CNP: variants seen among roughly 807,000 people sequenced by gnomAD.
CNP encodes the protein 2',3'-cyclic-nucleotide 3'-phosphodiesterase.
In CNP, 8 loss-of-function variants were observed where a neutral mutation model predicts 37.9. That is an observed-to-expected ratio of 0.21 (90% CI 0.12 to 0.38). The LOEUF is 0.38. Ranked by LOEUF, CNP falls within the 10% of genes least tolerant of loss-of-function variation. The pLI, the probability that CNP is intolerant of heterozygous loss-of-function variation, is 1.00. For synonymous variants in CNP, 237 were observed against 238.3 expected, an observed-to-expected ratio of 0.99 and a Z score of 0.05; for missense variants, 457 against 551.0, an observed-to-expected ratio of 0.83 and a Z score of 1.71.
Position 41,968,036 on chromosome 17 carries a change from C to T in CNP, c.4-32C>T. 1.3e-6 allele frequency: 2 copies of T among 1,587,148 alleles called. No homozygotes were observed. The highest frequency in any genetic ancestry group is 1.7e-6 in the Non-Finnish European group (2 of 1,164,214). ...GGCCGGCGGGGAGCCCGCGAATGACCTGGGCTGACATCTCTTCCCCTCCTT... is the reference window on the plus strand; with the variant it reads ...GGCCGGCGGGGAGCCCGCGAATGACTTGGGCTGACATCTCTTCCCCTCCTT... On this transcript the variant is annotated intron_variant, in intron 1 of 3. Transcript: ENST00000393892. The surrounding 1 kb of genome is among the most constrained non-coding windows in gnomAD (Gnocchi z 4.8).
chr17:41,968,451 A>G lies in CNP; in HGVS notation c.387A>G (p.Glu129=). The part of the protein sequence containing the change: ...LVLDDTNHER[E]RLEQLFEMAD... ...TTGATGACACCAACCACGAACGGGA[A>G]CGGCTGGAGCAGCTCTTTGAAATGG... The change falls in exon 2 of 4, where the codon GAA becomes GAG. Residue 129 remains glutamate, a synonymous_variant. Transcript: ENST00000393892. The surrounding 1 kb of genome is among the most constrained non-coding windows in gnomAD (Gnocchi z 4.8). 1 of 1,614,124 alleles carries G rather than the reference A, an allele frequency of 6.2e-7. No individual in the cohort carries two copies. Among genetic ancestry groups the G allele is most frequent in the Non-Finnish European group, 8.5e-7 (1 of 1,180,028 alleles).
At chr17:41,967,764 A>G in intron 1 of CNP, 1 of 1,145,972 alleles carries the variant, frequency 8.7e-7, no homozygotes, top group East Asian at 4.7e-5. Context: ...GTAGGTGCCA[A>G]GCATATAAGA....
At chr17:41,967,814 C>T (rs1226300587) in intron 1 of CNP, 5 of 1,328,882 alleles carry the variant, frequency 3.8e-6, no homozygotes, top group East Asian at 3.0e-5. Context: ...TGGCGCGCCC[C>T]GCATGCCTCC....
At position 41,973,976 on chromosome 17, in the gene CNP, G is replaced by GC. The variant is rs2051034922; in HGVS notation, c.*55dup. 7.7e-7 allele frequency: 1 copy of GC among 1,305,758 alleles called. No homozygotes were observed. The allele number at this position is 1,305,758 out of a possible 1,614,324, so 80.9% of individuals were successfully genotyped here. A position where few individuals can be genotyped will look rare whatever the true frequency, so the allele number is the denominator to read the frequency against. On this transcript the variant is annotated 3_prime_UTR_variant, in exon 4 of 4. Coordinates refer to ENST00000393892, the MANE Select transcript of CNP (RefSeq NM_033133.5). ...AGAAGGGAAGGGGAGAGGGAAACGTGCCCTCTGTTTGATCCTTGTTTTGTG... is the reference window on the plus strand; with the variant it reads ...AGAAGGGAAGGGGAGAGGGAAACGTGCCCCTCTGTTTGATCCTTGTTTTGTG...
Position 41,974,173 on chromosome 17 carries a change from A to G in CNP, c.*249A>G. Reference sequence around the variant, plus strand: ...TCAGGAACCTGGACCAAAGCTGACGAGGCTGGGCCAAGCCAGGGATGGGGC... The same window carrying G: ...TCAGGAACCTGGACCAAAGCTGACGGGGCTGGGCCAAGCCAGGGATGGGGC... On this transcript the variant is annotated 3_prime_UTR_variant, in exon 4 of 4. Transcript: ENST00000393892. The G allele has an allele frequency of 3.2e-6, 1 of 317,244 alleles. No homozygotes were observed. The allele number at this position is 317,244 out of a possible 1,614,324, so 19.7% of individuals were successfully genotyped here. A position where few individuals can be genotyped will look rare whatever the true frequency, so the allele number is the denominator to read the frequency against.
chr17:41,973,506 C>T lies in CNP; in HGVS notation c.848C>T (p.Thr283Met), dbSNP rs782078035. The T allele has an allele frequency of 2.2e-5, 35 of 1,614,094 alleles. No individual in the cohort carries two copies. Among genetic ancestry groups the T allele is most frequent in the African/African-American group, 4.0e-5 (3 of 74,930 alleles). Reference sequence around the variant, plus strand: ...AAGAAATCTTACTCCAAGGCCTTCACGCTGACCATCTCTGCCCTCTTTGTG... The same window carrying T: ...AAGAAATCTTACTCCAAGGCCTTCATGCTGACCATCTCTGCCCTCTTTGTG... The part of the protein sequence containing the change: ...VLKKSYSKAF[T>M]LTISALFVTP... The change falls in exon 4 of 4, where the codon ACG becomes ATG. Residue 283 changes from threonine to methionine, a missense_variant. Thr to Met is a moderately conservative substitution (Grantham distance 81). Around this residue, in one of 2 missense-constraint regions of CNP, gnomAD observed 291 missense variants for 291.7 expected, o/e 1.00. Coordinates refer to ENST00000393892, the MANE Select transcript of CNP (RefSeq NM_033133.5).
rs2051126448 is a variant in CNP, at chr17:41,977,614, TGC to T, written c.*3691_*3692del. The T allele has an allele frequency of 3.4e-6, 1 of 292,544 alleles. No homozygotes were observed. The highest frequency in any genetic ancestry group is 2.2e-5 in the African/African-American group (1 of 46,132). The allele number at this position is 292,544 out of a possible 1,614,324, so 18.1% of individuals were successfully genotyped here. The stretch of plus-strand genomic sequence containing the variant: ...TGGGCTGTTTTCTCAACAAATGGAA[TGC>T]CATTTGCACTTACACAAGACTTTCC... On this transcript the variant is annotated 3_prime_UTR_variant, in exon 4 of 4. Coordinates refer to ENST00000393892, the MANE Select transcript of CNP (RefSeq NM_033133.5).
chr17:41,967,048 G>T, intron 1 of CNP, 161 bp downstream of exon 1: 2 of 820,678 alleles, frequency 2.4e-6, no homozygotes, highest in Non-Finnish European at 3.3e-6. Flanking sequence ...GGGAGAAGCG[G>T]AGGGGTTTTG....
In CNP at chr17:41,977,179, T is replaced by C; in HGVS notation, c.*3255T>C. 3 of 1,404,180 alleles carry C rather than the reference T, an allele frequency of 2.1e-6. No homozygotes were observed. In the Admixed American group the frequency reaches 6.2e-5, roughly 29 times the overall value. The allele number at this position is 1,404,180 out of a possible 1,614,324, so 87.0% of individuals were successfully genotyped here. A position where few individuals can be genotyped will look rare whatever the true frequency, so the allele number is the denominator to read the frequency against. On this transcript the variant is annotated 3_prime_UTR_variant, in exon 4 of 4. Transcript: ENST00000393892. The stretch of plus-strand genomic sequence containing the variant: ...AGCTGCCCCCGCTCATGGGCCCCTC[T>C]GACTCCCAAAGAGCTGCCTAAGAGG...
In CNP at chr17:41,968,946, A is replaced by AG. The variant is rs2050944444; in HGVS notation, c.676+207dup. 6.6e-6 allele frequency among the ~76,000 whole-genome samples: 1 copy of AG among 152,248 alleles called. No homozygotes were observed. The highest frequency in any genetic ancestry group is 1.5e-5 in the Non-Finnish European group (1 of 68,040). ...CATTGGGAACACGGGGGCTTCCCAGAGCGCCTTTCCTCCCACCACACCTAT... is the reference window on the plus strand; with the variant it reads ...CATTGGGAACACGGGGGCTTCCCAGAGGCGCCTTTCCTCCCACCACACCTAT... On this transcript the variant is annotated intron_variant, in intron 2 of 3. Transcript: ENST00000393892. This position sits in a 1 kb window ranked among gnomAD's most constrained non-coding sequence, Gnocchi z 4.8.
At chr17:41,970,120 G>A (rs55955100) in intron 2 of CNP, among the ~76,000 whole-genome samples, 101,870 of 151,824 alleles carry the variant, frequency 0.67, 35,677 homozygotes, top group East Asian at 0.83. Context: ...TTTATGAGAC[G>A]GAGTCTTGCT....
chr17:41,974,072 T>A lies in CNP; in HGVS notation c.*148T>A. 1.5e-6 allele frequency: 1 copy of A among 662,626 alleles called. No individual in the cohort carries two copies. Among genetic ancestry groups the A allele is most frequent in the Non-Finnish European group, 2.3e-6 (1 of 439,766 alleles). The allele number at this position is 662,626 out of a possible 1,614,324, so 41.0% of individuals were successfully genotyped here. A position where few individuals can be genotyped will look rare whatever the true frequency, so the allele number is the denominator to read the frequency against. On this transcript the variant is annotated 3_prime_UTR_variant, in exon 4 of 4. Coordinates refer to ENST00000393892, the MANE Select transcript of CNP (RefSeq NM_033133.5). ...ACTTTTTAAAAACTTGTAAAATAAC[T>A]GACCCTCCCTTCCTGTCCGCCCTCT...
At position 41,971,884 on chromosome 17, in the gene CNP, C is replaced by G; in HGVS notation, c.677-8C>G. 1 of 1,613,614 alleles carries G rather than the reference C, an allele frequency of 6.2e-7. No homozygotes were observed. The highest frequency in any genetic ancestry group is 8.5e-7 in the Non-Finnish European group (1 of 1,179,820). ...CCTGCCCTGACTGCACCCGTTTTCT[C>G]CCGGCAGTCGTCCCTGGGGATGAGC... On this transcript the variant is annotated splice_polypyrimidine_tract_variant and splice_region_variant and intron_variant, in intron 2 of 3. Transcript: ENST00000393892.
At position 41,968,022 on chromosome 17, in the gene CNP, A is replaced by G; in HGVS notation, c.4-46A>G. The G allele has an allele frequency of 6.4e-7, 1 of 1,570,970 alleles. No homozygotes were observed. Among genetic ancestry groups the G allele is most frequent in the Non-Finnish European group, 8.7e-7 (1 of 1,155,778 alleles). ...GGGACTAGGGGTAAGGCCGGCGGGG[A>G]GCCCGCGAATGACCTGGGCTGACAT... is the stretch of plus-strand genomic sequence containing the variant. On this transcript the variant is annotated intron_variant, in intron 1 of 3. Coordinates refer to ENST00000393892, the MANE Select transcript of CNP (RefSeq NM_033133.5). This position sits in a 1 kb window ranked among gnomAD's most constrained non-coding sequence, Gnocchi z 4.8.
intron 3 of CNP, among the ~76,000 whole-genome samples, chr17:41,973,264 GCCTT>G (rs1176408781): frequency 2.0e-5 from 3 of 152,316 alleles, no homozygotes; most frequent in Middle Eastern, 3.4e-3. Context: ...CTGTCTGAGC[GCCTT>G]CGTGTTTCTC....
rs2051099920 is a variant in CNP at position 41,976,948 on chromosome 17, T to C, written c.*3024T>C. ...CAAGAGGGAGCACGTGACTGTATTA[T>C]ACATGGGTAGCTTCTGACCTCAGCA... On this transcript the variant is annotated 3_prime_UTR_variant, in exon 4 of 4. Coordinates refer to ENST00000393892, the MANE Select transcript of CNP (RefSeq NM_033133.5). The C allele has an allele frequency of 1.4e-6, 1 of 717,558 alleles. No individual in the cohort carries two copies. Among genetic ancestry groups the C allele is most frequent in the South Asian group, 2.0e-5 (1 of 50,864 alleles). 44.4% of individuals were successfully genotyped at this position (717,558 alleles called of 1,614,324 possible).
intron 2 of CNP, among the ~76,000 whole-genome samples, chr17:41,969,559 T>TG (rs781974490): frequency 2.6e-5 from 4 of 151,956 alleles, no homozygotes; most frequent in Non-Finnish European, 4.4e-5. Context: ...CCAATTTTAT[T>TG]TATTTATTTA....
rs781900322 is a variant in CNP, at chr17:41,971,893, C to A, written c.678C>A (p.Phe226Leu). 1 of 1,613,618 alleles carries A rather than the reference C, an allele frequency of 6.2e-7. No homozygotes were observed. The highest frequency in any genetic ancestry group is 1.3e-5 in the African/African-American group (1 of 74,908). The part of the protein sequence containing the change: ...HKAFKKELRQ[F>L]VPGDEPREKM... ...ACTGCACCCGTTTTCTCCCGGCAGT[C>A]GTCCCTGGGGATGAGCCCAGGGAGA... The change falls in exon 3 of 4, where the codon TTC becomes TTA. Residue 226 changes from phenylalanine (F) to leucine (L), a missense_variant and splice_region_variant. By Grantham distance (22) the Phe-to-Leu change is conservative (BLOSUM62 0). This residue lies in a region of CNP where 291 missense variants were observed against 291.7 expected (regional missense o/e 1.00). Coordinates refer to ENST00000393892, the MANE Select transcript of CNP (RefSeq NM_033133.5).
chr17:41,973,648 C>T lies in CNP; in HGVS notation c.990C>T (p.His330=). The T allele has an allele frequency of 6.2e-7, 1 of 1,614,084 alleles. No homozygotes were observed. The highest frequency in any genetic ancestry group is 1.3e-5 in the African/African-American group (1 of 75,062). Reference sequence around the variant, plus strand: ...ACCTGCCGCGGGGGAGCCGCGCCCACATCACCCTCGGCTGTGCAGCTGACG... The same window carrying T: ...ACCTGCCGCGGGGGAGCCGCGCCCATATCACCCTCGGCTGTGCAGCTGACG... ...TDNLPRGSRA[H]ITLGCAADVE... is the part of the protein sequence containing the mutation. The change falls in exon 4 of 4, where the codon CAC becomes CAT. Residue 330 remains histidine (H), a synonymous_variant. Coordinates refer to ENST00000393892, the MANE Select transcript of CNP (RefSeq NM_033133.5).
Sources: allele counts gnomAD v4.1 joint callset (sites outside exome capture counted in the v4.1 genomes callset), GRCh38; gene constraint gnomAD v4.1.1; regional missense constraint gnomAD v4.1.1; non-coding constraint Gnocchi (gnomAD v3.1); transcripts MANE v1.5; gene names NCBI Gene and HGNC (gene_info 2026-07-23, HGNC 2026-07-21).